Variants in CGGBP1 observed in about 807,000 individuals in gnomAD.
CGGBP1 encodes CGG triplet repeat-binding protein 1.
In CGGBP1, 4 loss-of-function variants were observed where a neutral mutation model predicts 11.4. The ratio of observed to expected loss-of-function variants is 0.35; its 90% CI spans 0.17 to 0.80. CGGBP1 has a LOEUF of 0.80. Among genes scored for constraint, CGGBP1 ranks in the 30% least tolerant of loss-of-function variants. CGGBP1 has a pLI of 0.52. For synonymous variants in CGGBP1, 76 were observed against 74.1 expected, an observed-to-expected ratio of 1.03 and a Z score of -0.13; for missense variants, 135 against 202.1, an observed-to-expected ratio of 0.67 and a Z score of 2.01.
chr3:88,148,703 C>T (rs1195752690), intron 1 of CGGBP1, among the ~76,000 whole-genome samples: 1 of 152,172 alleles, frequency 6.6e-6, no homozygotes, highest in Non-Finnish European at 1.5e-5. Context: ...GAGTGTGGCG[C>T]GATCTCGGCT....
chr3:88,130,442 T>G (rs1216783711), intron 2 of CGGBP1, among the ~76,000 whole-genome samples: 1 of 152,004 alleles, frequency 6.6e-6, no homozygotes, highest in Non-Finnish European at 1.5e-5. Context: ...TATTCTTGGT[T>G]ATTTTTTGTT....
intron 2 of CGGBP1, among the ~76,000 whole-genome samples, chr3:88,088,248 A>G (rs1252117747): frequency 6.6e-6 from 1 of 152,216 alleles, no homozygotes; most frequent in Non-Finnish European, 1.5e-5. Context: ...AGGGCTCCCA[A>G]TTATTTACAT....
chr3:88,147,545 G>C (rs1036447184), intron 1 of CGGBP1, among the ~76,000 whole-genome samples: 6 of 151,998 alleles, frequency 3.9e-5, no homozygotes, highest in Non-Finnish European at 7.4e-5. Flanking sequence ...TGGTCTACAA[G>C]GTTGTATATC....
intron 2 of CGGBP1, among the ~76,000 whole-genome samples, chr3:88,069,454 C>T (rs1707385283): frequency 6.6e-6 from 1 of 152,074 alleles, no homozygotes; most frequent in East Asian, 1.9e-4. Context: ...AACTCTTAGT[C>T]CACCCCCCAA....
intron 2 of CGGBP1, among the ~76,000 whole-genome samples, chr3:88,093,951 T>C (rs1407990444): frequency 1.3e-5 from 2 of 152,174 alleles, no homozygotes; most frequent in African/African-American, 4.8e-5. Flanking sequence ...TCCTGACTCT[T>C]TATATTGACG....
chr3:88,112,059 G>A (rs1352301315), intron 2 of CGGBP1, among the ~76,000 whole-genome samples: 1 of 151,772 alleles, frequency 6.6e-6, no homozygotes, highest in African/African-American at 2.4e-5. Context: ...ATTTTTCAGT[G>A]TATCAGTTTG....
intron 2 of CGGBP1, chr3:88,113,054 A>T (rs1372183924): frequency 8.5e-7 from 1 of 1,181,984 alleles, no homozygotes; most frequent in African/African-American, 1.6e-5. Context: ...ACTGTTTGAT[A>T]ATCTTTTAAT....
intron 2 of CGGBP1, among the ~76,000 whole-genome samples, chr3:88,109,479 ATTTCT>A (rs1459278592): frequency 6.6e-6 from 1 of 152,080 alleles, no homozygotes; most frequent in African/African-American, 2.4e-5. Context: ...TGGTAAGTGG[ATTTCT>A]TTTATTTGGA....
intron 1 of CGGBP1, chr3:88,141,137 T>C (rs1707104932): frequency 2.1e-6 from 3 of 1,444,284 alleles, no homozygotes; most frequent in Non-Finnish European, 2.8e-6. Flanking sequence ...ATTTAAAAAA[T>C]TGATATTTGT....
intron 2 of CGGBP1, among the ~76,000 whole-genome samples, chr3:88,124,864 C>G (rs184798987): frequency 8.0e-4 from 122 of 151,754 alleles, no homozygotes; most frequent in Non-Finnish European, 1.5e-3. Flanking sequence ...AATACTTTTA[C>G]TAGATATTCA....
chr3:88,124,426 A>G (rs1222875594), intron 2 of CGGBP1, among the ~76,000 whole-genome samples: 2 of 152,176 alleles, frequency 1.3e-5, no homozygotes, highest in African/African-American at 4.8e-5. Flanking sequence ...GACTGGACTG[A>G]ATGATTATTT....
At chr3:88,126,116 A>AT in intron 2 of CGGBP1, 1 of 1,465,722 alleles carries the variant, frequency 6.8e-7, no homozygotes, top group Non-Finnish European at 9.0e-7. Context: ...CAGAGCCAAA[A>AT]TGATTTTTCT....
intron 2 of CGGBP1, among the ~76,000 whole-genome samples, chr3:88,079,466 A>G (rs1487469238): frequency 1.3e-5 from 2 of 152,092 alleles, no homozygotes; most frequent in Admixed American, 6.5e-5. Flanking sequence ...AAAACTTCAA[A>G]CTGGAACTGA....
intron 2 of CGGBP1, among the ~76,000 whole-genome samples, chr3:88,132,271 C>T (rs1240813735): frequency 1.3e-5 from 2 of 151,934 alleles, no homozygotes; most frequent in South Asian, 2.1e-4. Flanking sequence ...GGGTGACTGA[C>T]GTCATTATAT....
At chr3:88,067,390 C>T (rs1471684174) in intron 2 of CGGBP1, among the ~76,000 whole-genome samples, 1 of 152,144 alleles carries the variant, frequency 6.6e-6, no homozygotes, top group Non-Finnish European at 1.5e-5. Context: ...GAAGCCAGAG[C>T]TCAAAAGGGA....
chr3:88,115,556 A>G (rs1705339508), intron 2 of CGGBP1, among the ~76,000 whole-genome samples: 1 of 152,146 alleles, frequency 6.6e-6, no homozygotes, highest in African/African-American at 2.4e-5. Context: ...TTATTTTTAC[A>G]ATAATACCAA....
intron 2 of CGGBP1, among the ~76,000 whole-genome samples, chr3:88,118,477 A>G (rs1231721615): frequency 6.6e-6 from 1 of 151,600 alleles, no homozygotes; most frequent in African/African-American, 2.4e-5. Context: ...AAATGAGTGT[A>G]TAGTCATCAT....
chr3:88,061,028 C>T (rs1287061744), upstream of CGGBP1, among the ~76,000 whole-genome samples: 2 of 151,930 alleles, frequency 1.3e-5, no homozygotes, highest in Non-Finnish European at 2.9e-5. Context: ...TGATAATTGG[C>T]ATTCACTTTT....
intron 2 of CGGBP1, among the ~76,000 whole-genome samples, chr3:88,076,976 T>C (rs1707837955): frequency 1.3e-5 from 2 of 152,196 alleles, no homozygotes; most frequent in African/African-American, 2.4e-5. Flanking sequence ...GGCCAGGAGC[T>C]GAGAGACTCT....
Sources: gnomAD v4.1 joint callset for allele counts (sites outside exome capture counted in the v4.1 genomes callset) on GRCh38, gnomAD v4.1.1 for gene constraint, MANE v1.5 for transcripts, NCBI Gene and HGNC (gene_info 2026-07-23, HGNC 2026-07-21) for gene names.